SIPA1L1: variants seen among roughly 807,000 people sequenced by gnomAD.
SIPA1L1 encodes signal-induced proliferation-associated 1-like protein 1.
SIPA1L1 carries 26 observed loss-of-function variants against 162.7 expected under a neutral mutation model. That is an observed-to-expected ratio of 0.16 (90% confidence interval 0.12 to 0.22). The LOEUF (loss-of-function observed/expected upper bound fraction) is 0.22, where lower values mean the gene tolerates loss of function less well. Ranked by LOEUF, SIPA1L1 falls within the 10% of genes least tolerant of loss-of-function variation. SIPA1L1 has a pLI of 1.00. For missense variants in SIPA1L1, 1,874 were observed against 2,241.0 expected (o/e 0.84, Z 3.31); for synonymous variants, 829 against 837.4 (o/e 0.99, Z 0.17).
intron 2 of SIPA1L1, among the ~76,000 whole-genome samples, chr14:71,354,998 C>T (rs769399109): frequency 3.3e-5 from 5 of 152,036 alleles, no homozygotes; most frequent in East Asian, 3.8e-4. Flanking sequence ...ATCACTGTGC[C>T]GAGACAATGC....
At chr14:71,372,190 G>T (rs1488960282) in intron 2 of SIPA1L1, among the ~76,000 whole-genome samples, 1 of 152,134 alleles carries the variant, frequency 6.6e-6, no homozygotes, top group Admixed American at 6.5e-5. Flanking sequence ...TCACCTTCCT[G>T]TGTAGACTTG....
chr14:71,516,277 G>A (rs2051718869), intron 3 of SIPA1L1, among the ~76,000 whole-genome samples: 1 of 152,274 alleles, frequency 6.6e-6, no homozygotes, highest in African/African-American at 2.4e-5. Context: ...AAATTATGCT[G>A]TTCTTAAATA....
intron 8 of SIPA1L1, 55 bp from the exon 9 acceptor site, chr14:71,658,274 TTAAA>T (rs908086914): frequency 4.7e-6 from 4 of 857,366 alleles, no homozygotes; most frequent in African/African-American, 3.5e-5. Flanking sequence ...GATATTTCTC[TTAAA>T]TAAATTATTT....
intron 19 of SIPA1L1, among the ~76,000 whole-genome samples, chr14:71,728,338 T>C (rs1597260735): frequency 6.6e-6 from 1 of 152,382 alleles, no homozygotes; most frequent in African/African-American, 2.4e-5. Context: ...AGGGAAATTA[T>C]CACTTTCATT....
chr14:71,679,127 A>C (rs1456827717), intron 12 of SIPA1L1, among the ~76,000 whole-genome samples: 1 of 152,166 alleles, frequency 6.6e-6, no homozygotes, highest in Non-Finnish European at 1.5e-5. Context: ...TCCAAGACAC[A>C]TAATTGTCAG....
At chr14:71,687,053 C>T (rs139180001) in intron 13 of SIPA1L1, among the ~76,000 whole-genome samples, 6 of 152,330 alleles carry the variant, frequency 3.9e-5, no homozygotes, top group African/African-American at 1.4e-4. Flanking sequence ...TTGCATAAAA[C>T]ATTGTCACTT....
intron 4 of SIPA1L1, among the ~76,000 whole-genome samples, chr14:71,572,605 C>G (rs909915437): frequency 1.3e-5 from 2 of 152,136 alleles, no homozygotes; most frequent in African/African-American, 4.8e-5. Flanking sequence ...TTCAGGAGAC[C>G]TAGAGATCAG....
intron 4 of SIPA1L1, among the ~76,000 whole-genome samples, chr14:71,533,706 C>G (rs971914025): frequency 2.0e-5 from 3 of 152,110 alleles, no homozygotes; most frequent in Non-Finnish European, 2.9e-5. Context: ...TCAGACCTTG[C>G]CACTTTCATT....
intron 2 of SIPA1L1, among the ~76,000 whole-genome samples, chr14:71,443,910 G>A (rs1178162118): frequency 6.6e-6 from 1 of 152,160 alleles, no homozygotes; most frequent in Non-Finnish European, 1.5e-5. Flanking sequence ...CTCTCCACAG[G>A]TCTGTGGAGT....
chr14:71,717,740 C>G (rs1006030966), intron 17 of SIPA1L1, among the ~76,000 whole-genome samples: 16 of 152,180 alleles, frequency 1.1e-4, no homozygotes, highest in African/African-American at 3.9e-4. Context: ...CAGTCTCAGG[C>G]CAGTGGGTTG....
At chr14:71,490,722 G>A (rs1595736806) in intron 2 of SIPA1L1, among the ~76,000 whole-genome samples, 1 of 152,228 alleles carries the variant, frequency 6.6e-6, no homozygotes, top group East Asian at 1.9e-4. Flanking sequence ...GGAAACATTT[G>A]GAAGCATTTA....
chr14:71,442,938 AAAAC>A (rs1041674266), intron 2 of SIPA1L1, among the ~76,000 whole-genome samples: 21 of 152,206 alleles, frequency 1.4e-4, no homozygotes, highest in African/African-American at 3.4e-4. Context: ...TGTGTCTCTT[AAAAC>A]AAACAAACAA....
At chr14:71,445,618 TTAA>T (rs987439779) in intron 2 of SIPA1L1, among the ~76,000 whole-genome samples, 2 of 152,218 alleles carry the variant, frequency 1.3e-5, no homozygotes, top group African/African-American at 4.8e-5. Flanking sequence ...GCATTTGATA[TTAA>T]TATTACACAA....
At chr14:71,445,711 C>T (rs2045295193) in intron 2 of SIPA1L1, among the ~76,000 whole-genome samples, 1 of 152,148 alleles carries the variant, frequency 6.6e-6, no homozygotes, top group Non-Finnish European at 1.5e-5. Flanking sequence ...ACAAATATTT[C>T]TTACTCGAAT....
intron 5 of SIPA1L1, among the ~76,000 whole-genome samples, chr14:71,616,990 C>T (rs1453600762): frequency 2.0e-5 from 3 of 152,078 alleles, no homozygotes; most frequent in Admixed American, 1.3e-4. Flanking sequence ...CCATGAAGTA[C>T]GAGGACCAGG....
chr14:71,640,844 C>T lies in SIPA1L1; in HGVS notation c.1819-9491C>T, dbSNP rs189542923. 3.0e-4 allele frequency among the ~76,000 whole-genome samples: 45 copies of T among 152,258 alleles called. 1 individual carries two copies. Among genetic ancestry groups the T allele is most frequent in the Admixed American group, 1.6e-3 (24 of 15,284 alleles). On this transcript the variant is annotated intron_variant, in intron 7 of 23. Transcript: ENST00000381232. ...TTCACTGTGTTGGCCAAGCTGGTCT[C>T]GAACTCCTGACCTCAAGTGATCCAC...
At chr14:71,576,773 A>C (rs1404205263) in intron 4 of SIPA1L1, among the ~76,000 whole-genome samples, 1 of 152,150 alleles carries the variant, frequency 6.6e-6, no homozygotes, top group African/African-American at 2.4e-5. Flanking sequence ...CAGGCCTAAA[A>C]TCCAGGCCTA....
intron 2 of SIPA1L1, among the ~76,000 whole-genome samples, chr14:71,357,914 T>C (rs1327235440): frequency 1.3e-5 from 2 of 152,198 alleles, no homozygotes; most frequent in African/African-American, 2.4e-5. Context: ...GTATTATTAG[T>C]AGAGACGAGG....
intron 6 of SIPA1L1, among the ~76,000 whole-genome samples, chr14:71,620,484 T>C (rs1476609123): frequency 6.6e-6 from 1 of 152,234 alleles, no homozygotes; most frequent in African/African-American, 2.4e-5. Context: ...CATCATATTC[T>C]TCCTTTTCTG....
Sources: gnomAD v4.1 joint callset for allele counts (sites outside exome capture counted in the v4.1 genomes callset) on GRCh38, gnomAD v4.1.1 for gene constraint, MANE v1.5 for transcripts, NCBI Gene and HGNC (gene_info 2026-07-23, HGNC 2026-07-21) for gene names.